The following VIL1 variants were observed in gnomAD, a reference collection of about 807,000 sequenced individuals.
The protein encoded by VIL1 is villin 1, also known as villin-1.
A neutral mutation model predicts 104.0 loss-of-function variants in VIL1; 86 were observed. That is an observed-to-expected ratio of 0.83 (90% CI 0.69 to 0.99). The LOEUF (loss-of-function observed/expected upper bound fraction) is 0.99. VIL1 is among the 50% of genes least tolerant of loss of function. The pLI, the probability that VIL1 is intolerant of heterozygous loss-of-function variation, is 0.00. For synonymous variants in VIL1, 394 were observed against 412.6 expected (o/e 0.95, Z 0.55); for missense variants, 944 against 1,054.1 (o/e 0.90, Z 1.45).
chr2:218,448,829 A>C (rs1689413978), intron 19 of VIL1, among the ~76,000 whole-genome samples: 1 of 151,992 alleles, frequency 6.6e-6, no homozygotes. Flanking sequence ...ACATGGTAAA[A>C]TCCCGTCTCT....
chr2:218,419,394 G>T (rs1166718367), intron 1 of VIL1, among the ~76,000 whole-genome samples: 1 of 152,102 alleles, frequency 6.6e-6, no homozygotes, highest in African/African-American at 2.4e-5. Context: ...GGCTCTCTCA[G>T]TCTCCTACCT....
At position 218,424,363 on chromosome 2, in the gene VIL1, G is replaced by T; in HGVS notation, c.150+12G>T. ...ACATCATCCTGGCTGTGAGTCAGGGGCAGGGGAGGGGGCTGAGCAGAGAGC... is the reference window on the plus strand; with the variant it reads ...ACATCATCCTGGCTGTGAGTCAGGGTCAGGGGAGGGGGCTGAGCAGAGAGC... On this transcript the variant is annotated intron_variant, in intron 3 of 19. Transcript: ENST00000248444. 1 of 1,613,130 alleles carries T rather than the reference G, an allele frequency of 6.2e-7. No homozygotes were observed. Among genetic ancestry groups the T allele is most frequent in the Non-Finnish European group, 8.5e-7 (1 of 1,179,628 alleles).
At chr2:218,430,926 GC>G (rs1345171139) in intron 10 of VIL1, 48 bp downstream of exon 10, 2 of 1,577,832 alleles carry the variant, frequency 1.3e-6, no homozygotes, top group South Asian at 2.3e-5. Flanking sequence ...CAGGAGCTGG[GC>G]CAGGAGAGCC....
chr2:218,426,074 T>C (rs1300237043), intron 4 of VIL1, among the ~76,000 whole-genome samples: 1 of 152,204 alleles, frequency 6.6e-6, no homozygotes, highest in African/African-American at 2.4e-5. Context: ...GTCCTTGGTC[T>C]GGAGGCTGTT....
chr2:218,424,223 C>T (rs960368651), intron 2 of VIL1, 54 bp from the exon 3 acceptor site: 1 of 1,540,490 alleles, frequency 6.5e-7, no homozygotes, highest in Non-Finnish European at 9.0e-7. Flanking sequence ...TCCTCCCAGG[C>T]CTAGGGGTCC....
At chr2:218,422,732 G>A (rs919068857) in intron 1 of VIL1, among the ~76,000 whole-genome samples, 1 of 152,180 alleles carries the variant, frequency 6.6e-6, no homozygotes, top group African/African-American at 2.4e-5. Flanking sequence ...CTGACCTGTC[G>A]GCCACATGCC....
In VIL1 at chr2:218,432,799, C is replaced by T; in HGVS notation, c.1348C>T (p.Gln450Ter). Residue 450 changes from glutamine to a stop codon, truncating the protein, a stop_gained, in exon 13 of 20, where the codon CAG becomes TAG. Transcript: ENST00000248444. LOFTEE classifies it high-confidence loss of function. The stretch of plus-strand genomic sequence containing the variant: ...CCCTCCTGCTCATCCCCAGGGCAGC[C>T]AGGCCAGCCAAGATGAAATTACAGC... Reference protein sequence around the residue: ...HYLLYVWQGSQASQDEITASA... With the variant: ...HYLLYVWQGS 6.2e-7 allele frequency: 1 copy of T among 1,614,096 alleles called. No homozygotes were observed. The highest frequency in any genetic ancestry group is 1.3e-5 in the African/African-American group (1 of 75,036).
chr2:218,431,408 A>G (rs1231686629), intron 10 of VIL1, among the ~76,000 whole-genome samples: 1 of 148,772 alleles, frequency 6.7e-6, no homozygotes, highest in Non-Finnish European at 1.5e-5. Flanking sequence ...TTCATTTGGG[A>G]TGGGGTTGGG....
chr2:218,421,217 G>A (rs1189265838), intron 1 of VIL1, among the ~76,000 whole-genome samples: 1 of 152,078 alleles, frequency 6.6e-6, no homozygotes, highest in African/African-American at 2.4e-5. Flanking sequence ...CAGCAGTGTG[G>A]CATTTCTAGA....
intron 10 of VIL1, chr2:218,431,112 G>A (rs4674307): frequency 0.55 from 325,406 of 591,206 alleles, 95,634 homozygotes; most frequent in East Asian, 0.76. Context: ...ACTTTGGGAG[G>A]CTGAGGCGGG....
chr2:218,438,678 C>T lies in VIL1; in HGVS notation c.2181C>T (p.Asp727=), dbSNP rs777999447. Residue 727 remains aspartate (D), a synonymous_variant, in exon 18 of 20, where the codon GAC becomes GAT. Coordinates refer to ENST00000248444, the MANE Select transcript of VIL1 (RefSeq NM_007127.3). ...FKWSNTKSYE[D]LKAELGNSRD... is the part of the protein sequence containing the mutation. ...TGCAGAACACCAAATCCTATGAGGA[C>T]CTGAAGGCGGAGCTTGGCAACTCTA... 97 of 1,612,578 alleles carry T rather than the reference C, an allele frequency of 6.0e-5. No individual in the cohort carries two copies. The highest frequency in any genetic ancestry group is 8.1e-5 in the Non-Finnish European group (95 of 1,179,730).
chr2:218,437,999 C>CA (rs1689224644), intron 17 of VIL1, among the ~76,000 whole-genome samples: 1 of 152,190 alleles, frequency 6.6e-6, no homozygotes, highest in African/African-American at 2.4e-5. Context: ...AAGCAGAAAG[C>CA]TTAATTTCCT....
At chr2:218,422,886 C>T (rs1035697804) in intron 1 of VIL1, among the ~76,000 whole-genome samples, 2 of 152,166 alleles carry the variant, frequency 1.3e-5, no homozygotes, top group African/African-American at 4.8e-5. Flanking sequence ...TAACTGGGCA[C>T]TAGTGGCTGT....
chr2:218,434,536 C>T lies in VIL1; in HGVS notation c.1511C>T (p.Ser504Phe), dbSNP rs1297369644. ...GRMVVYQGGT[S>F]RTNNLETGPS... ...TGCCCTCACCTGCAGGGAGGCACCT[C>T]CCGAACTAACAACTTGGAGACCGGG... Residue 504 changes from serine to phenylalanine, a missense_variant, in exon 14 of 20, where the codon TCC (serine) becomes TTC (phenylalanine). Coordinates refer to ENST00000248444, the MANE Select transcript of VIL1 (RefSeq NM_007127.3). The T allele has an allele frequency of 1.9e-6, 3 of 1,611,682 alleles. No individual in the cohort carries two copies. Among genetic ancestry groups the T allele is most frequent in the Non-Finnish European group, 2.5e-6 (3 of 1,179,020 alleles).
intron 4 of VIL1, among the ~76,000 whole-genome samples, chr2:218,426,567 G>A (rs1156581211): frequency 2.7e-5 from 4 of 150,430 alleles, no homozygotes; most frequent in African/African-American, 9.8e-5. Flanking sequence ...TCAGCCTCTT[G>A]AGTAACTGGG....
At chr2:218,423,691 G>T in intron 1 of VIL1, 77 bp from the exon 2 acceptor site, 2 of 1,456,466 alleles carry the variant, frequency 1.4e-6, no homozygotes, top group Non-Finnish European at 1.9e-6. Flanking sequence ...TGGCACTGTT[G>T]GGAGTTCTCT....
At chr2:218,440,405 G>T (rs1300373993) in intron 18 of VIL1, among the ~76,000 whole-genome samples, 1 of 152,090 alleles carries the variant, frequency 6.6e-6, no homozygotes. Flanking sequence ...GAGTAGATGG[G>T]ATTACAGGCG....
chr2:218,440,572 T>G, intron 18 of VIL1, 150 bp from the exon 19 acceptor site: 13 of 906,822 alleles, frequency 1.4e-5, no homozygotes, highest in East Asian at 5.1e-5. Context: ...ACCCAGCCTA[T>G]GTTGTTCTTA....
At chr2:218,423,172 G>C (rs191985009) in intron 1 of VIL1, among the ~76,000 whole-genome samples, 2 of 152,124 alleles carry the variant, frequency 1.3e-5, no homozygotes, top group African/African-American at 4.8e-5. Context: ...GTGACAGGTG[G>C]ATCACCTGAG....
Sources: gnomAD v4.1 joint callset for allele counts (sites outside exome capture counted in the v4.1 genomes callset) on GRCh38, gnomAD v4.1.1 for gene constraint, MANE v1.5 for transcripts, NCBI Gene and HGNC (gene_info 2026-07-23, HGNC 2026-07-21) for gene names.